PGAP1: variants seen among roughly 807,000 people sequenced by gnomAD.
The protein encoded by PGAP1 is GPI inositol-deacylase.
PGAP1 carries 76 observed loss-of-function variants against 127.0 expected under a neutral mutation model. The observed-to-expected ratio is 0.60, with a 90% CI of 0.50 to 0.72. PGAP1 has a LOEUF of 0.72. Ranked by LOEUF, PGAP1 falls within the 30% of genes least tolerant of loss-of-function variation. The probability of loss-of-function intolerance (pLI) is 0.00; values close to 1 mark genes in which losing one functional copy is unlikely to be tolerated. For missense variants in PGAP1, 982 were observed against 1,071.3 expected (o/e 0.92, Z 1.16); for synonymous variants, 362 against 366.5 (o/e 0.99, Z 0.14).
chr2:196,872,299 A>T lies in PGAP1; in HGVS notation c.1728+142T>A, dbSNP rs1576130394. ...TAAGGTGGTGTTAATAGGAAAAATG[A>T]AGAATATTTAAAATATTTTAAATGC... On this transcript the variant is annotated intron_variant, in intron 18 of 26. Transcript: ENST00000354764. 16 of 570,604 alleles carry T rather than the reference A, an allele frequency of 2.8e-5. No individual in the cohort carries two copies. The South Asian group carries it at 4.3e-4, about 15-fold the overall frequency. The allele number at this position is 570,604 out of a possible 1,614,324, so 35.3% of individuals were successfully genotyped here. A position where few individuals can be genotyped will look rare whatever the true frequency, so the allele number is the denominator to read the frequency against.
chr2:196,899,907 G>A (rs755739145), intron 5 of PGAP1, among the ~76,000 whole-genome samples: 5 of 152,298 alleles, frequency 3.3e-5, no homozygotes, highest in South Asian at 4.1e-4. Flanking sequence ...GCATGGGGGC[G>A]TGTGCCTCTA....
intron 24 of PGAP1, among the ~76,000 whole-genome samples, 190 bp from the exon 25 acceptor site, chr2:196,844,265 G>A (rs1700497143): frequency 6.6e-6 from 1 of 151,892 alleles, no homozygotes. Flanking sequence ...TGACTTGCTA[G>A]TTCTACTGCT....
Position 196,885,470 on chromosome 2 carries a change from T to G in PGAP1, c.1226A>C (p.Gln409Pro). 6.3e-7 allele frequency: 1 copy of G among 1,595,444 alleles called. No individual in the cohort carries two copies. The highest frequency in any genetic ancestry group is 8.6e-7 in the Non-Finnish European group (1 of 1,168,950). Reference sequence around the variant, plus strand: ...AGCTTTCCATGATAAATCAACCCCTTGCAGGCTTTGAAATAAATATGAAAA... The same window carrying G: ...AGCTTTCCATGATAAATCAACCCCTGGCAGGCTTTGAAATAAATATGAAAA... Reference protein sequence around the residue: ...ACINSTSMCLQGVDLSWKAEL... With the variant: ...ACINSTSMCLPGVDLSWKAEL... Residue 409 changes from glutamine (Q) to proline (P), a missense_variant, in exon 12 of 27, where the codon CAA becomes CCA. Physicochemically the swap from Gln to Pro is moderately conservative, Grantham distance 76. Transcript: ENST00000354764.
rs1334389465 is a variant in PGAP1 at position 196,841,209 on chromosome 2, T to C, written c.*25A>G. On this transcript the variant is annotated 3_prime_UTR_variant, in exon 27 of 27. Coordinates refer to ENST00000354764, the MANE Select transcript of PGAP1 (RefSeq NM_024989.4). Reference sequence around the variant, plus strand: ...TCACTGGCCCTAAACACATAAATTATCTTCATCATTCCTTAAGTCCAATCT... The same window carrying C: ...TCACTGGCCCTAAACACATAAATTACCTTCATCATTCCTTAAGTCCAATCT... The C allele has an allele frequency of 1.2e-6, 2 of 1,603,646 alleles. No homozygotes were observed. Among genetic ancestry groups the C allele is most frequent in the South Asian group, 1.1e-5 (1 of 89,208 alleles).
intron 10 of PGAP1, among the ~76,000 whole-genome samples, chr2:196,889,200 TTAAG>T (rs1206113071): frequency 6.6e-6 from 1 of 152,156 alleles, no homozygotes; most frequent in Admixed American, 6.5e-5. Context: ...AAATTTAGTA[TTAAG>T]TGAGAAAAGA....
intron 1 of PGAP1, among the ~76,000 whole-genome samples, chr2:196,924,706 TCAA>T (rs1243901655): frequency 3.3e-5 from 5 of 152,138 alleles, no homozygotes; most frequent in Admixed American, 6.6e-5. Flanking sequence ...CCTAGACTAC[TCAA>T]CAACAATAAA....
Position 196,897,123 on chromosome 2 carries a change from A to T in PGAP1, c.927+8T>A. On this transcript the variant is annotated splice_region_variant and intron_variant, in intron 7 of 26. Coordinates refer to ENST00000354764, the MANE Select transcript of PGAP1 (RefSeq NM_024989.4). Reference sequence around the variant, plus strand: ...CATTTAAATAATTTTTAGTTTAAAAATACATACTTGTTTAGTATCAGCATC... The same window carrying T: ...CATTTAAATAATTTTTAGTTTAAAATTACATACTTGTTTAGTATCAGCATC... 1 of 1,494,656 alleles carries T rather than the reference A, an allele frequency of 6.7e-7. No individual in the cohort carries two copies. Among genetic ancestry groups the T allele is most frequent in the South Asian group, 1.2e-5 (1 of 80,680 alleles). The allele number at this position is 1,494,656 out of a possible 1,614,324, so 92.6% of individuals were successfully genotyped here.
intron 12 of PGAP1, among the ~76,000 whole-genome samples, chr2:196,882,340 T>C (rs182109204): frequency 6.6e-6 from 1 of 152,324 alleles, no homozygotes; most frequent in African/African-American, 2.4e-5. Flanking sequence ...TGAGCTCTTT[T>C]TTGGTTCCAT....
chr2:196,903,438 G>A (rs1702565816), intron 4 of PGAP1, among the ~76,000 whole-genome samples: 1 of 151,448 alleles, frequency 6.6e-6, no homozygotes. Context: ...GTGCGCACCT[G>A]TAGTCCCAGC....
chr2:196,888,273 T>C (rs1474120762), intron 10 of PGAP1, among the ~76,000 whole-genome samples: 1 of 152,188 alleles, frequency 6.6e-6, no homozygotes, highest in Non-Finnish European at 1.5e-5. Flanking sequence ...CTGTATTTAA[T>C]GGCTACTAAA....
chr2:196,887,816 C>T (rs947657788), intron 10 of PGAP1, among the ~76,000 whole-genome samples: 1 of 152,152 alleles, frequency 6.6e-6, no homozygotes, highest in Admixed American at 6.5e-5. Context: ...TTGTGTGAGT[C>T]CTGTATCAGT....
At chr2:196,894,284 C>T (rs1233548693) in intron 7 of PGAP1, among the ~76,000 whole-genome samples, 8 of 152,178 alleles carry the variant, frequency 5.3e-5, no homozygotes, top group Non-Finnish European at 1.2e-4. Flanking sequence ...ATTCTGATTG[C>T]CTCCCCTGGA....
In PGAP1 at chr2:196,833,681, T is replaced by C. The variant is rs1427873126; in HGVS notation, c.*7553A>G. On this transcript the variant is annotated 3_prime_UTR_variant, in exon 27 of 27. Transcript: ENST00000354764. ...ATATTTTTGTCTGGCGAGTAGGTAG[T>C]GGAGGTAAAATGGGAAAACAATGTG... 5 of 152,228 alleles carry C rather than the reference T, an allele frequency of 3.3e-5. No homozygotes were observed. The South Asian group carries it at 8.3e-4, about 25-fold the overall frequency. The allele number at this position is 152,228 out of a possible 1,614,324, so 9.4% of individuals were successfully genotyped here.
intron 19 of PGAP1, among the ~76,000 whole-genome samples, chr2:196,868,570 T>C (rs1007466143): frequency 6.6e-6 from 1 of 152,212 alleles, no homozygotes; most frequent in African/African-American, 2.4e-5. Context: ...TTCTAGGTTC[T>C]CTTAAAAGCT....
At chr2:196,867,441 C>A (rs943283253) in intron 19 of PGAP1, among the ~76,000 whole-genome samples, 5 of 152,178 alleles carry the variant, frequency 3.3e-5, no homozygotes, top group African/African-American at 1.2e-4. Flanking sequence ...CATATGGACA[C>A]AGGGAGAAGA....
chr2:196,906,534 C>A lies in PGAP1; in HGVS notation c.650-3792G>T, dbSNP rs1437316570. Among the ~76,000 whole-genome samples, 160 of 33,680 alleles carry A rather than the reference C, an allele frequency of 4.8e-3. 1 individual carries two copies. The highest frequency in any genetic ancestry group is 9.7e-3 in the African/African-American group (154 of 15,916). 22.1% of individuals were successfully genotyped at this position (33,680 alleles called of 152,430 possible). A position where few individuals can be genotyped will look rare whatever the true frequency, so the allele number is the denominator to read the frequency against. ...AACAGAAAAACTGGAAACTCTAAAACGCAGAGTGCCTCTCCTCCTCCAAAG... is the reference window on the plus strand; with the variant it reads ...AACAGAAAAACTGGAAACTCTAAAAAGCAGAGTGCCTCTCCTCCTCCAAAG... On this transcript the variant is annotated intron_variant, in intron 4 of 26. Transcript: ENST00000354764.
At chr2:196,863,671 G>A (rs562040319) in intron 20 of PGAP1, among the ~76,000 whole-genome samples, 40 of 152,126 alleles carry the variant, frequency 2.6e-4, no homozygotes, top group African/African-American at 8.0e-4. Flanking sequence ...TCTGCCTCCC[G>A]GATTCAAGCG....
chr2:196,841,123 AGACTT>A lies in PGAP1; in HGVS notation c.*106_*110del. ...TTCCTATTTTCAATATTGTAAAAAT[AGACTT>A]GTCTTCTCCAAAGGATCTTGCTGTC... On this transcript the variant is annotated 3_prime_UTR_variant, in exon 27 of 27. Transcript: ENST00000354764. 8.9e-7 allele frequency: 1 copy of A among 1,124,574 alleles called. No individual in the cohort carries two copies. The highest frequency in any genetic ancestry group is 1.2e-6 in the Non-Finnish European group (1 of 803,518). The allele number at this position is 1,124,574 out of a possible 1,614,324, so 69.7% of individuals were successfully genotyped here.
In PGAP1 at chr2:196,885,936, C is replaced by T. The variant is rs1701888196; in HGVS notation, c.1174-56G>A. Reference sequence around the variant, plus strand: ...CTAAGTATTGTAGAAAATAATTATACAAAACAAACACCCATTTTCAACACT... The same window carrying T: ...CTAAGTATTGTAGAAAATAATTATATAAAACAAACACCCATTTTCAACACT... On this transcript the variant is annotated intron_variant, in intron 10 of 26. Transcript: ENST00000354764. The T allele has an allele frequency of 8.4e-6, 10 of 1,191,892 alleles. No individual in the cohort carries two copies. The South Asian group carries it at 3.0e-4, about 36-fold the overall frequency. The allele number at this position is 1,191,892 out of a possible 1,614,324, so 73.8% of individuals were successfully genotyped here.
Sources: gnomAD v4.1 joint callset for allele counts (sites outside exome capture counted in the v4.1 genomes callset) on GRCh38, gnomAD v4.1.1 for gene constraint, MANE v1.5 for transcripts, NCBI Gene and HGNC (gene_info 2026-07-23, HGNC 2026-07-21) for gene names.